SNAP91: variants seen among roughly 807,000 people sequenced by gnomAD.
The protein encoded by SNAP91 is synaptosome associated protein 91.
In SNAP91, 27 loss-of-function variants were observed where a neutral mutation model predicts 100.3. The observed-to-expected ratio is 0.27, with a 90% CI of 0.20 to 0.37. The LOEUF (loss-of-function observed/expected upper bound fraction) is 0.37. Ranked by LOEUF, SNAP91 falls within the 10% of genes least tolerant of loss-of-function variation. The pLI is 1.00. For missense variants in SNAP91, 986 were observed against 1,123.7 expected (o/e 0.88, Z 1.75); for synonymous variants, 404 against 398.6 (o/e 1.01, Z -0.16).
At chr6:83,686,635 A>C (rs1341259053) in intron 2 of SNAP91, among the ~76,000 whole-genome samples, 1 of 152,250 alleles carries the variant, frequency 6.6e-6, no homozygotes, top group Admixed American at 6.5e-5. Context: ...GGCTCAGCTA[A>C]ATTTCAAGTG....
intron 15 of SNAP91, 70 bp from the exon 16 acceptor site, chr6:83,601,508 C>T: frequency 1.9e-6 from 3 of 1,610,512 alleles, no homozygotes; most frequent in Non-Finnish European, 2.5e-6. Flanking sequence ...TACCAGACTC[C>T]AAATGATCAA....
intron 26 of SNAP91, among the ~76,000 whole-genome samples, chr6:83,563,556 A>C (rs933669882): frequency 1.3e-5 from 2 of 152,210 alleles, no homozygotes; most frequent in African/African-American, 4.8e-5. Flanking sequence ...AGAAAGAATG[A>C]AACTATCTCT....
At chr6:83,657,058 G>A (rs1174651926) in intron 6 of SNAP91, among the ~76,000 whole-genome samples, 193 bp from the exon 7 acceptor site, 3 of 152,054 alleles carry the variant, frequency 2.0e-5, no homozygotes, top group African/African-American at 2.4e-5. Context: ...AGTCAATGAG[G>A]TTAGTCTTAT....
intron 16 of SNAP91, 72 bp downstream of exon 16, chr6:83,601,199 T>A (rs1176743908): frequency 4.7e-6 from 7 of 1,503,574 alleles, no homozygotes; most frequent in African/African-American, 2.8e-5. Context: ...ACGGAAAAAA[T>A]TTTAAAGACC....
chr6:83,565,008 T>C (rs2127944508), intron 26 of SNAP91, among the ~76,000 whole-genome samples: 1 of 150,866 alleles, frequency 6.6e-6, no homozygotes, highest in Admixed American at 6.7e-5. Context: ...AAATCATTTA[T>C]CTGATAAGCA....
intron 16 of SNAP91, among the ~76,000 whole-genome samples, chr6:83,597,824 T>C (rs1466329223): frequency 6.6e-6 from 1 of 152,252 alleles, no homozygotes; most frequent in African/African-American, 2.4e-5. Context: ...CCTCTTTGTC[T>C]CCAAAGGTCC....
In SNAP91 at chr6:83,573,258, C is replaced by G. The variant is rs557274401; in HGVS notation, c.2442+1752G>C. ...CCAACTTACAAGGGATGTGAAGGAC[C>G]TCTTCAAGGAGAACTACAAACCACT... On this transcript the variant is annotated intron_variant, in intron 26 of 29. Transcript: ENST00000369694. Among the ~76,000 whole-genome samples, 11 of 152,192 alleles carry G rather than the reference C, an allele frequency of 7.2e-5. No homozygotes were observed. In the South Asian group the frequency reaches 1.9e-3, roughly 26 times the overall value.
At chr6:83,706,969 TTAAGG>T (rs915221523) in intron 2 of SNAP91, among the ~76,000 whole-genome samples, 3 of 152,224 alleles carry the variant, frequency 2.0e-5, no homozygotes, top group African/African-American at 7.2e-5. Flanking sequence ...TTACTGTTAA[TTAAGG>T]TATTTCAGAA....
intron 2 of SNAP91, among the ~76,000 whole-genome samples, chr6:83,684,650 G>T (rs1285455563): frequency 6.6e-6 from 1 of 152,104 alleles, no homozygotes; most frequent in South Asian, 2.1e-4. Context: ...TGCTTCACCA[G>T]CAAAATTCCT....
intron 14 of SNAP91, among the ~76,000 whole-genome samples, chr6:83,603,450 T>A (rs1333339955): frequency 1.3e-5 from 2 of 152,026 alleles, no homozygotes; most frequent in Admixed American, 1.3e-4. Flanking sequence ...GCTGGACTCT[T>A]AACTACTGGG....
intron 7 of SNAP91, among the ~76,000 whole-genome samples, chr6:83,654,380 T>A (rs2098328475): frequency 6.6e-6 from 1 of 152,190 alleles, no homozygotes; most frequent in Admixed American, 6.5e-5. Flanking sequence ...GTACTTATTT[T>A]TAGGACATAT....
chr6:83,659,425 CTTTTTTTTTTT>C (rs397887198), intron 5 of SNAP91, among the ~76,000 whole-genome samples: 20 of 124,038 alleles, frequency 1.6e-4, no homozygotes, highest in African/African-American at 6.0e-4. Flanking sequence ...ATGTTTTCTT[CTTTTTTTTTTT>C]TTTTTTTTGA....
intron 16 of SNAP91, among the ~76,000 whole-genome samples, chr6:83,597,174 G>A (rs1351313418): frequency 1.3e-5 from 2 of 152,082 alleles, no homozygotes; most frequent in Non-Finnish European, 2.9e-5. Flanking sequence ...AGCTGCAGCT[G>A]CTCCCACCCC....
At chr6:83,689,687 T>A (rs1179631427) in intron 2 of SNAP91, 1 of 152,104 alleles carries the variant, frequency 6.6e-6, no homozygotes, top group African/African-American at 2.4e-5. Flanking sequence ...AAGAAAAGAA[T>A]GAGGACACGC....
At chr6:83,566,295 T>C (rs1378413537) in intron 26 of SNAP91, among the ~76,000 whole-genome samples, 4 of 152,208 alleles carry the variant, frequency 2.6e-5, no homozygotes, top group South Asian at 2.1e-4. Context: ...GCTGTAAATA[T>C]ACTAAGAATC....
At chr6:83,668,499 C>G (rs1292727372) in intron 2 of SNAP91, among the ~76,000 whole-genome samples, 3 of 152,090 alleles carry the variant, frequency 2.0e-5, no homozygotes, top group Non-Finnish European at 2.9e-5. Flanking sequence ...ACTATGCAGC[C>G]ATAAAAAATG....
At chr6:83,661,041 C>G (rs987451136) in intron 5 of SNAP91, among the ~76,000 whole-genome samples, 5 of 152,122 alleles carry the variant, frequency 3.3e-5, no homozygotes, top group African/African-American at 1.2e-4. Context: ...CTCCTGAGCT[C>G]AAATGATCCT....
At chr6:83,645,761 G>C (rs922888881) in intron 7 of SNAP91, among the ~76,000 whole-genome samples, 1 of 152,144 alleles carries the variant, frequency 6.6e-6, no homozygotes, top group East Asian at 1.9e-4. Flanking sequence ...TGAGGCAGGA[G>C]GATCACTTGA....
intron 10 of SNAP91, 52 bp downstream of exon 10, chr6:83,616,917 A>G: frequency 8.7e-7 from 1 of 1,153,440 alleles, no homozygotes; most frequent in Admixed American, 2.3e-5. Context: ...CATTCTTAGA[A>G]GAACGACTGT....
Sources: gnomAD v4.1 joint callset for allele counts (sites outside exome capture counted in the v4.1 genomes callset) on GRCh38, gnomAD v4.1.1 for gene constraint, MANE v1.5 for transcripts, NCBI Gene and HGNC (gene_info 2026-07-23, HGNC 2026-07-21) for gene names.